The following BASP1 variants were observed in gnomAD, a reference collection of about 807,000 sequenced individuals.
BASP1 encodes brain abundant membrane attached signal protein 1, also known as brain acid soluble protein 1.
BASP1 carries 1 observed loss-of-function variant against 2.2 expected under a neutral mutation model. The ratio of observed to expected loss-of-function variants is 0.46; its 90% CI spans 0.16 to 2.17. BASP1 has a LOEUF of 2.17. Among genes scored for constraint, BASP1 ranks in the 30% most tolerant of loss-of-function variants. BASP1 has a pLI of 0.27. For synonymous variants in BASP1, 187 were observed against 154.2 expected (o/e 1.21, Z -1.58); for missense variants, 352 against 327.2 (o/e 1.08, Z -0.58).
At chr5:17,220,740 T>G (rs2126485397) in intron 1 of BASP1, among the ~76,000 whole-genome samples, 1 of 152,338 alleles carries the variant, frequency 6.6e-6, no homozygotes, top group African/African-American at 2.4e-5. Context: ...TGGAGGCCTC[T>G]TCATAATCCT....
chr5:17,224,391 G>GA (rs1303184458), intron 1 of BASP1, among the ~76,000 whole-genome samples: 2 of 137,962 alleles, frequency 1.4e-5, no homozygotes, highest in African/African-American at 2.7e-5. Flanking sequence ...CGTGTAGATG[G>GA]AGCTACACTG....
At chr5:17,264,385 T>C (rs1740375736) in intron 1 of BASP1, among the ~76,000 whole-genome samples, 1 of 152,364 alleles carries the variant, frequency 6.6e-6, no homozygotes, top group East Asian at 1.9e-4. Context: ...TTGTTGGTGA[T>C]GGATTTGCTT....
At chr5:17,232,924 A>G (rs1739663612) in intron 1 of BASP1, among the ~76,000 whole-genome samples, 1 of 152,220 alleles carries the variant, frequency 6.6e-6, no homozygotes, top group South Asian at 2.1e-4. Flanking sequence ...ATCTCTCATC[A>G]GATCAATGTC....
chr5:17,241,696 A>G (rs565294960), intron 1 of BASP1, among the ~76,000 whole-genome samples: 1 of 152,324 alleles, frequency 6.6e-6, no homozygotes, highest in Non-Finnish European at 1.5e-5. Context: ...AGATCTGTGC[A>G]GGAACTGGAG....
intron 1 of BASP1, among the ~76,000 whole-genome samples, chr5:17,244,629 GATAGGAGGGAAGGCATTGAATAT>G (rs1739940477): frequency 1.3e-5 from 2 of 151,804 alleles, no homozygotes; most frequent in South Asian, 4.1e-4. Context: ...CGTGGGACTT[GATAGGAGGGAAGGCATTGAATAT>G]ATATTTGTGT....
chr5:17,263,862 A>G (rs1387361111), intron 1 of BASP1, among the ~76,000 whole-genome samples: 2 of 152,372 alleles, frequency 1.3e-5, no homozygotes, highest in Admixed American at 1.3e-4. Flanking sequence ...AGGTTTACCT[A>G]GAAACTTAGA....
Position 17,275,948 on chromosome 5 carries a change from T to C in BASP1, c.*48T>C, listed in dbSNP as rs1417702034. ...CAATACCACTTAAAACAATCTCCTC[T>C]CTCTCTCTCTCTCTCTCTCTCTATC... On this transcript the variant is annotated 3_prime_UTR_variant, in exon 2 of 2. Coordinates refer to ENST00000322611, the MANE Select transcript of BASP1 (RefSeq NM_006317.5). The surrounding 1 kb of genome is among the most constrained non-coding windows in gnomAD (Gnocchi z 5.3). 1 of 425,470 alleles carries C rather than the reference T, an allele frequency of 2.4e-6. No homozygotes were observed. The highest frequency in any genetic ancestry group is 3.1e-6 in the Non-Finnish European group (1 of 321,612). The allele number at this position is 425,470 out of a possible 1,614,324, so 26.4% of individuals were successfully genotyped here. A position where few individuals can be genotyped will look rare whatever the true frequency, so the allele number is the denominator to read the frequency against.
At position 17,258,414 on chromosome 5, in the gene BASP1, G is replaced by C. The variant is rs574442194; in HGVS notation, c.-9-16794G>C. ...ATGCAGCCCCTGCACTACTTGTTTT[G>C]GTGTTACCTGGTCAACTTGGTAGAA... On this transcript the variant is annotated intron_variant, in intron 1 of 1. Transcript: ENST00000322611. Among the ~76,000 whole-genome samples, 3 of 152,204 alleles carry C rather than the reference G, an allele frequency of 2.0e-5. No individual in the cohort carries two copies. The East Asian group carries it at 5.8e-4, about 29-fold the overall frequency.
chr5:17,247,345 C>T (rs754783633), intron 1 of BASP1, among the ~76,000 whole-genome samples: 4 of 152,060 alleles, frequency 2.6e-5, no homozygotes, highest in Non-Finnish European at 5.9e-5. Context: ...ATCCAGGTGC[C>T]CAGAGGCTGA....
chr5:17,219,709 A>C (rs1739359618), intron 1 of BASP1, among the ~76,000 whole-genome samples: 1 of 152,218 alleles, frequency 6.6e-6, no homozygotes, highest in Non-Finnish European at 1.5e-5. Flanking sequence ...TTATTCGAAC[A>C]AGATGGCCTA....
intron 1 of BASP1, among the ~76,000 whole-genome samples, chr5:17,266,225 G>T (rs572334317): frequency 6.6e-6 from 1 of 152,272 alleles, no homozygotes; most frequent in Non-Finnish European, 1.5e-5. Context: ...AGTATATGTG[G>T]CTTCAATTTC....
At chr5:17,255,153 A>G (rs1297203784) in intron 1 of BASP1, among the ~76,000 whole-genome samples, 1 of 152,204 alleles carries the variant, frequency 6.6e-6, no homozygotes, top group African/African-American at 2.4e-5. Flanking sequence ...TTTCTATGTT[A>G]GTATTTATTG....
intron 1 of BASP1, among the ~76,000 whole-genome samples, chr5:17,234,800 C>T (rs1261246322): frequency 6.6e-6 from 1 of 152,276 alleles, no homozygotes; most frequent in African/African-American, 2.4e-5. Flanking sequence ...TTTACTACTC[C>T]GATCAATTAT....
At chr5:17,272,522 T>C (rs1028336040) in intron 1 of BASP1, among the ~76,000 whole-genome samples, 1 of 152,148 alleles carries the variant, frequency 6.6e-6, no homozygotes, top group African/African-American at 2.4e-5. Context: ...ATGAGTAGGA[T>C]TGTGCTTGAT....
intron 1 of BASP1, among the ~76,000 whole-genome samples, chr5:17,265,469 C>G (rs1331825182): frequency 1.3e-5 from 2 of 152,106 alleles, no homozygotes; most frequent in Non-Finnish European, 2.9e-5. Flanking sequence ...CATAATTTTG[C>G]TTGCCGCCAA....
intron 1 of BASP1, among the ~76,000 whole-genome samples, chr5:17,253,320 C>T (rs2126509027): frequency 6.6e-6 from 1 of 152,276 alleles, no homozygotes; most frequent in Admixed American, 6.5e-5. Flanking sequence ...AAGTAATTCT[C>T]CCACCTTAGC....
intron 1 of BASP1, among the ~76,000 whole-genome samples, chr5:17,229,775 T>C (rs1009016212): frequency 7.2e-6 from 1 of 139,222 alleles, no homozygotes; most frequent in Non-Finnish European, 1.5e-5. Flanking sequence ...AACATGTTGG[T>C]AGGATTGGGT....
At chr5:17,229,728 A>AT (rs1219788086) in intron 1 of BASP1, among the ~76,000 whole-genome samples, 3 of 150,392 alleles carry the variant, frequency 2.0e-5, no homozygotes, top group South Asian at 2.1e-4. Flanking sequence ...ACAAAAATAT[A>AT]TTTTTTCATA....
rs555101783 is a variant in BASP1 at position 17,260,181 on chromosome 5, C to T, written c.-9-15027C>T. 4.6e-5 allele frequency among the ~76,000 whole-genome samples: 7 copies of T among 152,208 alleles called. No homozygotes were observed. Among genetic ancestry groups the T allele is most frequent in the Non-Finnish European group, 8.8e-5 (6 of 68,006 alleles). On this transcript the variant is annotated intron_variant, in intron 1 of 1. Transcript: ENST00000322611. The surrounding 1 kb of genome is among the most constrained non-coding windows in gnomAD (Gnocchi z 4.2). ...TCTAAAAAGCATATTAGACTATTGA[C>T]GAGAATGAATAATGCATGTTTCCTG...
Sources: gnomAD v4.1 joint callset for allele counts (sites outside exome capture counted in the v4.1 genomes callset) on GRCh38, gnomAD v4.1.1 for gene constraint, Gnocchi (gnomAD v3.1) non-coding constraint, MANE v1.5 for transcripts, NCBI Gene and HGNC (gene_info 2026-07-23, HGNC 2026-07-21) for gene names.